NRF1: variants seen among roughly 807,000 people sequenced by gnomAD.
NRF1 encodes the protein nuclear respiratory factor 1.
In NRF1, 5 loss-of-function variants were observed where a neutral mutation model predicts 58.5. That is an observed-to-expected ratio of 0.09 (90% confidence interval 0.04 to 0.18). The LOEUF is 0.18. NRF1 is among the 10% of genes least tolerant of loss of function. NRF1 has a pLI of 1.00. For synonymous variants in NRF1, 224 were observed against 246.7 expected (o/e 0.91, Z 0.86); for missense variants, 288 against 657.7 (o/e 0.44, Z 6.15).
At position 129,690,215 on chromosome 7, in the gene NRF1, C is replaced by G. The variant is rs529610733; in HGVS notation, c.466-191C>G. Among the ~76,000 whole-genome samples the G allele has an allele frequency of 2.0e-5, 3 of 152,254 alleles. No individual in the cohort carries two copies. The South Asian group carries it at 6.2e-4, about 32-fold the overall frequency. ...TTGTTGTTACCTGCAATTTCATCAT[C>G]TTTTCATTTAATTATGTTCAGTATG... On this transcript the variant is annotated intron_variant, in intron 4 of 10. Coordinates refer to ENST00000393232, the MANE Select transcript of NRF1 (RefSeq NM_005011.5).
chr7:129,731,562 T>C (rs1803579593), intron 10 of NRF1, among the ~76,000 whole-genome samples: 2 of 152,200 alleles, frequency 1.3e-5, no homozygotes. Flanking sequence ...TAGATGTAGG[T>C]AGAATTGCCT....
intron 1 of NRF1, among the ~76,000 whole-genome samples, chr7:129,642,757 A>AT (rs1186472112): frequency 0.033 from 3,662 of 109,774 alleles, 165 homozygotes; most frequent in South Asian, 0.08. Context: ...TCTTTAAAAA[A>AT]TTTTTTTTTT....
rs1802539440 is a variant in NRF1 at position 129,690,450 on chromosome 7, T to C, written c.510T>C (p.Ala170=). 1 of 1,614,040 alleles carries C rather than the reference T, an allele frequency of 6.2e-7. No individual in the cohort carries two copies. Among genetic ancestry groups the C allele is most frequent in the African/African-American group, 1.3e-5 (1 of 74,932 alleles). Residue 170 remains alanine, a synonymous_variant, in exon 5 of 11, where the codon GCT becomes GCC. Transcript: ENST00000393232. ...KSMILEDLES[A]LAEHAPAPQE... ...TGATCCTGGAAGACCTGGAGTCTGCTCTGGCAGAACACGCCCCTGCGCCAC... is the reference window on the plus strand; with the variant it reads ...TGATCCTGGAAGACCTGGAGTCTGCCCTGGCAGAACACGCCCCTGCGCCAC...
intron 4 of NRF1, among the ~76,000 whole-genome samples, chr7:129,679,755 C>T (rs1241863307): frequency 6.6e-6 from 1 of 151,332 alleles, no homozygotes; most frequent in South Asian, 2.1e-4. Context: ...AAAGACAACC[C>T]AATTTAAAAA....
chr7:129,630,706 T>C (rs2151061480), intron 1 of NRF1, among the ~76,000 whole-genome samples: 1 of 152,302 alleles, frequency 6.6e-6, no homozygotes, highest in East Asian at 1.9e-4. Context: ...GAAGAGGCAG[T>C]TTCCTGAATA....
At chr7:129,697,879 C>T (rs1183156507) in intron 5 of NRF1, among the ~76,000 whole-genome samples, 3 of 151,936 alleles carry the variant, frequency 2.0e-5, no homozygotes, top group Non-Finnish European at 2.9e-5. Flanking sequence ...GGATTACAGG[C>T]GGACGCCACC....
At chr7:129,695,648 C>T (rs1330955790) in intron 5 of NRF1, among the ~76,000 whole-genome samples, 3 of 147,716 alleles carry the variant, frequency 2.0e-5, no homozygotes, top group Non-Finnish European at 4.5e-5. Flanking sequence ...GGGTTTAGGG[C>T]TTTATTTTTC....
intron 1 of NRF1, among the ~76,000 whole-genome samples, chr7:129,637,913 G>A (rs546548510): frequency 6.6e-6 from 1 of 151,050 alleles, no homozygotes; most frequent in South Asian, 2.1e-4. Flanking sequence ...GTTAGTGTTA[G>A]TGTATTTTAT....
intron 1 of NRF1, among the ~76,000 whole-genome samples, chr7:129,642,281 G>A (rs1801308937): frequency 2.0e-5 from 3 of 152,256 alleles, no homozygotes; most frequent in South Asian, 4.1e-4. Flanking sequence ...ACCGCGCCCA[G>A]CCAAGACTCA....
rs780840715 is a variant in NRF1, at chr7:129,725,547, G to A, written c.1224-1694G>A. On this transcript the variant is annotated intron_variant, in intron 9 of 10. Coordinates refer to ENST00000393232, the MANE Select transcript of NRF1 (RefSeq NM_005011.5). ...TCTCCATGTTGGTCAGGCTGGTCTC[G>A]AACTCCCGACCTCAGGTGATCCGCC... is the stretch of plus-strand genomic sequence containing the variant. 5.3e-5 allele frequency among the ~76,000 whole-genome samples: 8 copies of A among 152,130 alleles called. No homozygotes were observed. In the East Asian group the frequency reaches 1.6e-3, roughly 30 times the overall value.
chr7:129,646,492 C>G (rs1477278429), intron 1 of NRF1, among the ~76,000 whole-genome samples: 1 of 152,074 alleles, frequency 6.6e-6, no homozygotes, highest in Non-Finnish European at 1.5e-5. Context: ...GCACTACCAC[C>G]CCTAGGTTTG....
At chr7:129,747,266 C>T (rs1375527476) in intron 10 of NRF1, among the ~76,000 whole-genome samples, 1 of 152,194 alleles carries the variant, frequency 6.6e-6, no homozygotes. Context: ...ACTTCATCTA[C>T]GTCATGTGCA....
At chr7:129,673,074 T>A (rs1802087014) in intron 3 of NRF1, among the ~76,000 whole-genome samples, 1 of 151,992 alleles carries the variant, frequency 6.6e-6, no homozygotes, top group African/African-American at 2.4e-5. Context: ...GTACAAAAAG[T>A]GTGTCAGGAA....
chr7:129,745,409 C>T (rs541660364), intron 10 of NRF1, among the ~76,000 whole-genome samples: 1 of 152,000 alleles, frequency 6.6e-6, no homozygotes, highest in South Asian at 2.1e-4. Flanking sequence ...CACCTACTGT[C>T]AGATCATCAG....
chr7:129,744,103 G>A (rs934430167), intron 10 of NRF1: 4 of 1,414,722 alleles, frequency 2.8e-6, no homozygotes, highest in East Asian at 2.5e-5. Flanking sequence ...GCGCCGCAGC[G>A]GGGCTGGTGG....
intron 4 of NRF1, among the ~76,000 whole-genome samples, chr7:129,682,581 G>A (rs1373244831): frequency 6.7e-6 from 1 of 149,376 alleles, no homozygotes; most frequent in Admixed American, 6.7e-5. Flanking sequence ...GATTTAATAA[G>A]GTTGACAGTC....
intron 1 of NRF1, among the ~76,000 whole-genome samples, chr7:129,624,026 C>A (rs1800862651): frequency 6.6e-6 from 1 of 152,214 alleles, no homozygotes; most frequent in Non-Finnish European, 1.5e-5. Flanking sequence ...TGATTGCTTT[C>A]ATTCTGAAGA....
At chr7:129,658,015 T>A (rs1801697377) in intron 2 of NRF1, among the ~76,000 whole-genome samples, 1 of 152,192 alleles carries the variant, frequency 6.6e-6, no homozygotes, top group Non-Finnish European at 1.5e-5. Flanking sequence ...TTTGGTTTTA[T>A]TTTTTCATCT....
chr7:129,746,757 A>G (rs1438414635), intron 10 of NRF1, among the ~76,000 whole-genome samples: 2 of 152,330 alleles, frequency 1.3e-5, no homozygotes, highest in South Asian at 4.1e-4. Context: ...TTCATAAACT[A>G]AAGAAGGCAT....
Sources: allele counts gnomAD v4.1 joint callset (sites outside exome capture counted in the v4.1 genomes callset), GRCh38; gene constraint gnomAD v4.1.1; transcripts MANE v1.5; gene names NCBI Gene and HGNC (gene_info 2026-07-23, HGNC 2026-07-21).